Variants in DPYD observed in about 807,000 individuals in gnomAD.
DPYD encodes the protein dihydropyrimidine dehydrogenase [NADP(+)].
A neutral mutation model predicts 116.2 loss-of-function variants in DPYD; 109 were observed. The ratio of observed to expected loss-of-function variants is 0.94; its 90% CI spans 0.80 to 1.10. DPYD has a LOEUF of 1.10. Ranked by LOEUF, DPYD falls within the 50% of genes least tolerant of loss-of-function variation. The pLI, the probability that DPYD is intolerant of heterozygous loss-of-function variation, is 0.00. For synonymous variants in DPYD, 440 were observed against 432.0 expected (o/e 1.02, Z -0.23); for missense variants, 1,302 against 1,254.5 (o/e 1.04, Z -0.57).
At chr1:97,548,678 G>T (rs143310307) in intron 12 of DPYD, among the ~76,000 whole-genome samples, 13 of 152,192 alleles carry the variant, frequency 8.5e-5, no homozygotes, top group Admixed American at 3.9e-4. Flanking sequence ...GGAGGCTGCA[G>T]TGAGCCAAGA....
chr1:97,083,770 C>T (rs1355941634), intron 21 of DPYD, among the ~76,000 whole-genome samples: 3 of 152,080 alleles, frequency 2.0e-5, no homozygotes, highest in Non-Finnish European at 2.9e-5. Context: ...ATCAACAACA[C>T]GAACTGGGTC....
intron 2 of DPYD, among the ~76,000 whole-genome samples, chr1:97,863,884 A>T (rs999088001): frequency 1.3e-5 from 2 of 152,024 alleles, no homozygotes; most frequent in Admixed American, 6.6e-5. Context: ...ACTAAAGCTA[A>T]TTTATATAAA....
chr1:97,783,075 C>T (rs1056669637), intron 3 of DPYD, among the ~76,000 whole-genome samples: 1 of 152,066 alleles, frequency 6.6e-6, no homozygotes, highest in African/African-American at 2.4e-5. Context: ...CTCAAATGTC[C>T]CCTTTCTATT....
At chr1:97,194,064 T>A (rs1377900344) in intron 19 of DPYD, among the ~76,000 whole-genome samples, 2 of 152,220 alleles carry the variant, frequency 1.3e-5, no homozygotes, top group Non-Finnish European at 2.9e-5. Flanking sequence ...AAGAACTGCA[T>A]TTATTTTGGT....
chr1:97,437,533 T>TCC (rs1268111287), intron 14 of DPYD, among the ~76,000 whole-genome samples: 1 of 151,910 alleles, frequency 6.6e-6, no homozygotes, highest in Non-Finnish European at 1.5e-5. Context: ...TACAAGTCTT[T>TCC]GTATAGATAT....
In DPYD at chr1:97,284,790, A is replaced by G. The variant is rs1219462964; in HGVS notation, c.2299+20469T>C. Among the ~76,000 whole-genome samples, 3 of 152,146 alleles carry G rather than the reference A, an allele frequency of 2.0e-5. No homozygotes were observed. In the East Asian group the frequency reaches 5.8e-4, roughly 29 times the overall value. On this transcript the variant is annotated intron_variant, in intron 18 of 22. Coordinates refer to ENST00000370192, the MANE Select transcript of DPYD (RefSeq NM_000110.4). ...ATTTTCTGGAGAAATTCCTATGGCT[A>G]TCCTTCACAACACATTCAATTTTCC...
At chr1:97,489,004 G>A (rs1311603929) in intron 13 of DPYD, among the ~76,000 whole-genome samples, 1 of 152,174 alleles carries the variant, frequency 6.6e-6, no homozygotes, top group African/African-American at 2.4e-5. Context: ...CCTCTGGCTT[G>A]CCCTTGAATT....
At chr1:97,215,301 T>G (rs1176303299) in intron 19 of DPYD, among the ~76,000 whole-genome samples, 6 of 152,178 alleles carry the variant, frequency 3.9e-5, no homozygotes, top group African/African-American at 1.2e-4. Flanking sequence ...TTTGATGCAT[T>G]TTCATTTGGG....
chr1:97,737,534 G>A (rs1664027808), intron 4 of DPYD, among the ~76,000 whole-genome samples: 2 of 152,098 alleles, frequency 1.3e-5, no homozygotes, highest in South Asian at 4.1e-4. Context: ...ACTGAGCAAG[G>A]AAGTCAGAAT....
chr1:97,223,370 G>A (rs887326115), intron 19 of DPYD, among the ~76,000 whole-genome samples: 9 of 140,406 alleles, frequency 6.4e-5, no homozygotes, highest in African/African-American at 2.1e-4. Flanking sequence ...ACAAACCCAC[G>A]CAGAAAAGAT....
At chr1:97,584,489 C>A (rs1653939798) in intron 10 of DPYD, among the ~76,000 whole-genome samples, 1 of 151,968 alleles carries the variant, frequency 6.6e-6, no homozygotes, top group Non-Finnish European at 1.5e-5. Context: ...CTTGCCCATG[C>A]CTATGTCCTG....
chr1:97,157,155 T>C (rs1459047358), intron 20 of DPYD, among the ~76,000 whole-genome samples: 1 of 149,436 alleles, frequency 6.7e-6, no homozygotes, highest in African/African-American at 2.5e-5. Context: ...TTAGGAGATA[T>C]ACCTAATGCT....
intron 4 of DPYD, among the ~76,000 whole-genome samples, chr1:97,724,352 GTGTGTGTGTGTGTATGAGAT>G (rs1663113277): frequency 7.8e-6 from 1 of 127,590 alleles, no homozygotes; most frequent in Non-Finnish European, 1.7e-5. Flanking sequence ...GTGTGTGTGT[GTGTGTGTGTGTGTATGAGAT>G]TTATTATAGG....
intron 1 of DPYD, among the ~76,000 whole-genome samples, chr1:97,899,575 A>G (rs1320792927): frequency 6.6e-6 from 1 of 151,874 alleles, no homozygotes; most frequent in East Asian, 1.9e-4. Flanking sequence ...CAAAATGTAC[A>G]TCTATTCCCT....
chr1:97,155,534 A>G (rs1655383208), intron 20 of DPYD, among the ~76,000 whole-genome samples: 1 of 152,206 alleles, frequency 6.6e-6, no homozygotes, highest in African/African-American at 2.4e-5. Flanking sequence ...TAATACACTG[A>G]AAGCCTGATT....
intron 8 of DPYD, among the ~76,000 whole-genome samples, chr1:97,645,194 G>T (rs989987769): frequency 2.0e-5 from 3 of 152,002 alleles, no homozygotes; most frequent in African/African-American, 7.2e-5. Flanking sequence ...TAAGCTTTTA[G>T]ACACATTGTT....
At chr1:97,582,760 A>C (rs1024593808) in intron 10 of DPYD, among the ~76,000 whole-genome samples, 1 of 152,230 alleles carries the variant, frequency 6.6e-6, no homozygotes, top group African/African-American at 2.4e-5. Flanking sequence ...AATCTTGAAC[A>C]TAAAGAAACA....
At chr1:97,631,052 G>A (rs368468785) in intron 8 of DPYD, among the ~76,000 whole-genome samples, 30 of 152,190 alleles carry the variant, frequency 2.0e-4, no homozygotes, top group East Asian at 7.7e-4. Context: ...ACATAAGCAC[G>A]TAACAGGCTT....
At chr1:97,677,548 C>G (rs886463903) in intron 8 of DPYD, among the ~76,000 whole-genome samples, 2 of 151,958 alleles carry the variant, frequency 1.3e-5, no homozygotes, top group Non-Finnish European at 2.9e-5. Context: ...AAGCTAAAGT[C>G]AAATATAGTA....
Sources: allele counts gnomAD v4.1 joint callset (sites outside exome capture counted in the v4.1 genomes callset), GRCh38; gene constraint gnomAD v4.1.1; transcripts MANE v1.5; gene names NCBI Gene and HGNC (gene_info 2026-07-23, HGNC 2026-07-21).